ZW10: variants seen among roughly 807,000 people sequenced by gnomAD.
The protein encoded by ZW10 is centromere/kinetochore protein zw10 homolog.
In ZW10, 53 loss-of-function variants were observed where a neutral mutation model predicts 87.8. The observed-to-expected ratio is 0.60, with a 90% CI of 0.48 to 0.76. The LOEUF (loss-of-function observed/expected upper bound fraction) is 0.76. Ranked by LOEUF, ZW10 falls within the 30% of genes least tolerant of loss-of-function variation. The pLI is 0.00. For missense variants in ZW10, 837 were observed against 923.0 expected, an observed-to-expected ratio of 0.91 and a Z score of 1.21; for synonymous variants, 312 against 329.2, an observed-to-expected ratio of 0.95 and a Z score of 0.57.
At chr11:113,756,135 G>C (rs1953782296) in intron 7 of ZW10, among the ~76,000 whole-genome samples, 1 of 152,160 alleles carries the variant, frequency 6.6e-6, no homozygotes. Flanking sequence ...CATAAGGGTA[G>C]AGTCCTGATC....
At chr11:113,769,353 C>A (rs1953940692) in intron 1 of ZW10, among the ~76,000 whole-genome samples, 1 of 151,882 alleles carries the variant, frequency 6.6e-6, no homozygotes, top group Admixed American at 6.6e-5. Context: ...TCATATTGAA[C>A]TATATCAGAC....
rs1204378504 is a variant in ZW10 at position 113,743,983 on chromosome 11, T to C, written c.1330A>G (p.Lys444Glu). The change falls in exon 10 of 16, where the codon AAA (lysine) becomes GAA (glutamate). Residue 444 changes from lysine to glutamate, a missense_variant. Transcript: ENST00000200135. ...TTGGATACTTTCTGTACTTCCAGTTTGTTATCCTCATCAGGAGTGGGTAAC... is the reference window on the plus strand; with the variant it reads ...TTGGATACTTTCTGTACTTCCAGTTCGTTATCCTCATCAGGAGTGGGTAAC... ...PELPTPDEDN[K>E]LEVQKVSNTQ... 6.2e-7 allele frequency: 1 copy of C among 1,614,254 alleles called. No individual in the cohort carries two copies. Among genetic ancestry groups the C allele is most frequent in the African/African-American group, 1.3e-5 (1 of 75,078 alleles).
intron 15 of ZW10, among the ~76,000 whole-genome samples, chr11:113,735,079 G>C (rs1296823697): frequency 6.6e-6 from 1 of 152,040 alleles, no homozygotes; most frequent in Admixed American, 6.5e-5. Flanking sequence ...TTGGGTAATA[G>C]GTACATGAAA....
chr11:113,748,874 C>T (rs867622869), intron 7 of ZW10, among the ~76,000 whole-genome samples: 27 of 152,300 alleles, frequency 1.8e-4, no homozygotes, highest in African/African-American at 5.3e-4. Flanking sequence ...TACTTCAATA[C>T]CTCCTCTACA....
chr11:113,758,437 A>G (rs913111587), intron 6 of ZW10, 117 bp downstream of exon 6: 2 of 859,582 alleles, frequency 2.3e-6, no homozygotes, highest in Non-Finnish European at 3.3e-6. Context: ...TGATGAATCA[A>G]GAGGCCAGAC....
At chr11:113,751,730 G>A (rs113897599) in intron 7 of ZW10, among the ~76,000 whole-genome samples, 12,913 of 152,148 alleles carry the variant, frequency 0.085, 598 homozygotes, top group Middle Eastern at 0.17. Flanking sequence ...AAAATTAGCC[G>A]GACGTGGTGG....
At chr11:113,741,124 TG>T (rs1014343875) in intron 11 of ZW10, among the ~76,000 whole-genome samples, 1 of 151,848 alleles carries the variant, frequency 6.6e-6, no homozygotes, top group Admixed American at 6.6e-5. Flanking sequence ...AAACAGCTTT[TG>T]TTTTTTTTTT....
chr11:113,771,484 C>T (rs1953967684), intron 1 of ZW10: 1 of 152,134 alleles, frequency 6.6e-6, no homozygotes, highest in East Asian at 1.9e-4. Context: ...TGGTTCATTT[C>T]AAAGGGTTAT....
At chr11:113,739,145 A>G in intron 12 of ZW10, 68 bp downstream of exon 12, 1 of 1,547,562 alleles carries the variant, frequency 6.5e-7, no homozygotes, top group Non-Finnish European at 8.7e-7. Flanking sequence ...TCATTCAAAA[A>G]CTATAAAGAT....
intron 6 of ZW10, 81 bp downstream of exon 6, chr11:113,758,473 A>T (rs1347758941): frequency 2.5e-5 from 35 of 1,405,624 alleles, no homozygotes; most frequent in Middle Eastern, 1.8e-4. Flanking sequence ...TGCAGAGAAT[A>T]TTTTATCATC....
At chr11:113,754,849 G>A (rs923796510) in intron 7 of ZW10, among the ~76,000 whole-genome samples, 15 of 152,002 alleles carry the variant, frequency 9.9e-5, no homozygotes, top group Non-Finnish European at 2.1e-4. Flanking sequence ...GGCAGGTATC[G>A]CTATGTTACC....
intron 15 of ZW10, among the ~76,000 whole-genome samples, chr11:113,734,065 CTATA>C (rs1953522340): frequency 6.6e-6 from 1 of 152,170 alleles, no homozygotes; most frequent in African/African-American, 2.4e-5. Flanking sequence ...CTCCCTTATT[CTATA>C]CCAAGGCCTC....
intron 2 of ZW10, among the ~76,000 whole-genome samples, chr11:113,766,158 C>G (rs1175379705): frequency 6.6e-6 from 1 of 151,806 alleles, no homozygotes; most frequent in African/African-American, 2.4e-5. Context: ...ATCACTTAAA[C>G]CCAGAAGTTC....
rs375477182 is a variant in ZW10, at chr11:113,738,268, C to T, written c.1880G>A (p.Arg627Gln). 51 of 1,605,694 alleles carry T rather than the reference C, an allele frequency of 3.2e-5. 1 individual carries two copies. The highest frequency in any genetic ancestry group is 3.1e-4 in the South Asian group (28 of 89,354). Reference sequence around the variant, plus strand: ...GTGCTAGCAAGAGCCTCCTACCTGCCGGACTGCTTTACTTGCTGCAGAATA... The same window carrying T: ...GTGCTAGCAAGAGCCTCCTACCTGCTGGACTGCTTTACTTGCTGCAGAATA... ...ENYSAASKAV[R>Q]QVLHQLKRLG... The change falls in exon 13 of 16, where the codon CGG (arginine) becomes CAG (glutamine). Residue 627 changes from arginine to glutamine, a missense_variant. By Grantham distance (43) the Arg-to-Gln change is conservative. Coordinates refer to ENST00000200135, the MANE Select transcript of ZW10 (RefSeq NM_004724.4).
rs1034579464 is a variant in ZW10 at position 113,733,400 on chromosome 11, G to C, written c.*294C>G. On this transcript the variant is annotated 3_prime_UTR_variant, in exon 16 of 16. Coordinates refer to ENST00000200135, the MANE Select transcript of ZW10 (RefSeq NM_004724.4). The stretch of plus-strand genomic sequence containing the variant: ...ATTTACAATGTATATAGCTCCCAGA[G>C]GGCTCTGGAAGCAGCATGAAATAAT... 1.1e-4 allele frequency: 36 copies of C among 340,390 alleles called. 1 individual carries two copies. The highest frequency in any genetic ancestry group is 4.6e-5 in the Admixed American group (1 of 21,900). The allele number at this position is 340,390 out of a possible 1,614,324, so 21.1% of individuals were successfully genotyped here. A position where few individuals can be genotyped will look rare whatever the true frequency, so the allele number is the denominator to read the frequency against.
rs552342810 is a variant in ZW10, at chr11:113,760,814, G to A, written c.342+3C>T. The A allele has an allele frequency of 1.2e-6, 2 of 1,612,858 alleles. No individual in the cohort carries two copies. The highest frequency in any genetic ancestry group is 2.7e-5 in the African/African-American group (2 of 74,896). On this transcript the variant is annotated splice_donor_region_variant and intron_variant, in intron 3 of 15. Coordinates refer to ENST00000200135, the MANE Select transcript of ZW10 (RefSeq NM_004724.4). ...CACTAAGGTTCAAGTTGAGTTTACT[G>A]ACCTCCTGCAACTGTTTAAGCAAAC...
At chr11:113,742,598 G>A (rs1160542153) in intron 10 of ZW10, among the ~76,000 whole-genome samples, 2 of 152,178 alleles carry the variant, frequency 1.3e-5, no homozygotes, top group African/African-American at 4.8e-5. Flanking sequence ...TGGAAAGAAT[G>A]TCCATAGATA....
intron 9 of ZW10, among the ~76,000 whole-genome samples, 153 bp from the exon 10 acceptor site, chr11:113,744,193 C>G (rs1953656023): frequency 1.3e-5 from 2 of 152,290 alleles, no homozygotes; most frequent in Middle Eastern, 3.4e-3. Context: ...CGAGACCATC[C>G]TGGCTAACAC....
intron 13 of ZW10, 147 bp from the exon 14 acceptor site, chr11:113,737,850 A>T: frequency 1.1e-6 from 1 of 905,008 alleles, no homozygotes; most frequent in Non-Finnish European, 1.6e-6. Flanking sequence ...CTTCTTGAAC[A>T]TTTAACCATA....
Sources: allele counts gnomAD v4.1 joint callset (sites outside exome capture counted in the v4.1 genomes callset), GRCh38; gene constraint gnomAD v4.1.1; transcripts MANE v1.5; gene names NCBI Gene and HGNC (gene_info 2026-07-23, HGNC 2026-07-21).